WNT3A: variants seen among roughly 807,000 people sequenced by gnomAD.
WNT3A encodes the protein protein Wnt-3a.
WNT3A carries 17 observed loss-of-function variants against 37.0 expected under a neutral mutation model. The observed-to-expected ratio is 0.46, with a 90% CI of 0.31 to 0.69. WNT3A has a LOEUF of 0.69. WNT3A is among the 30% of genes least tolerant of loss of function. WNT3A has a pLI of 0.05. For synonymous variants in WNT3A, 187 were observed against 211.0 expected (o/e 0.89, Z 0.99); for missense variants, 411 against 510.2 (o/e 0.81, Z 1.87).
intron 2 of WNT3A, among the ~76,000 whole-genome samples, chr1:228,046,663 G>A (rs925726854): frequency 1.3e-5 from 2 of 150,910 alleles, no homozygotes; most frequent in Non-Finnish European, 3.0e-5. Flanking sequence ...CATGTGTGGG[G>A]GGGATGTGCA....
intron 1 of WNT3A, among the ~76,000 whole-genome samples, chr1:228,010,420 G>C (rs2030335331): frequency 6.6e-6 from 1 of 152,186 alleles, no homozygotes; most frequent in African/African-American, 2.4e-5. Flanking sequence ...GCCTTTACCA[G>C]ACTGGGCTGT....
At chr1:228,044,305 A>G (rs1253545306) in intron 2 of WNT3A, among the ~76,000 whole-genome samples, 3 of 152,168 alleles carry the variant, frequency 2.0e-5, no homozygotes, top group African/African-American at 4.8e-5. Context: ...AACTATGCCA[A>G]TTGTTCAAAA....
At position 228,059,146 on chromosome 1, in the gene WNT3A, G is replaced by T. The variant is rs904646118; in HGVS notation, c.740G>T (p.Arg247Leu). The change falls in exon 4 of 4, where the codon CGG (arginine) becomes CTG (leucine). Residue 247 changes from arginine to leucine, a missense_variant. Arg to Leu is a moderately radical substitution (Grantham distance 102). Coordinates refer to ENST00000284523, the MANE Select transcript of WNT3A (RefSeq NM_033131.4). ...SASEMVVEKH[R>L]ESRGWVETLR... Reference sequence around the variant, plus strand: ...TCGGAGATGGTGGTGGAGAAGCACCGGGAGTCCCGCGGCTGGGTGGAGACC... The same window carrying T: ...TCGGAGATGGTGGTGGAGAAGCACCTGGAGTCCCGCGGCTGGGTGGAGACC... The T allele has an allele frequency of 1.2e-6, 2 of 1,613,634 alleles. No homozygotes were observed. The highest frequency in any genetic ancestry group is 2.2e-5 in the East Asian group (1 of 44,872).
At chr1:228,015,583 C>T (rs1282001263) in intron 1 of WNT3A, among the ~76,000 whole-genome samples, 1 of 152,198 alleles carries the variant, frequency 6.6e-6, no homozygotes, top group Non-Finnish European at 1.5e-5. Context: ...GGACTGGGCC[C>T]AGCCTTCCTG....
rs1400774945 is a variant in WNT3A at position 228,037,032 on chromosome 1, C to A, written c.314-13624C>A. On this transcript the variant is annotated intron_variant, in intron 2 of 3. Transcript: ENST00000284523. This position sits in a 1 kb window ranked among gnomAD's most constrained non-coding sequence, Gnocchi z 4.1. ...GCCCAGGAGTCCCCCCGGGCCCTGG[C>A]ACCTGCCAGATAGGTCGGGGGGAGT... Among the ~76,000 whole-genome samples the A allele has an allele frequency of 6.6e-6, 1 of 152,116 alleles. No homozygotes were observed. Among genetic ancestry groups the A allele is most frequent in the Non-Finnish European group, 1.5e-5 (1 of 67,978 alleles).
Position 228,059,575 on chromosome 1 carries a change from G to A in WNT3A, c.*110G>A, listed in dbSNP as rs575678100. The A allele has an allele frequency of 1.4e-6, 2 of 1,396,386 alleles. No individual in the cohort carries two copies. Among genetic ancestry groups the A allele is most frequent in the South Asian group, 3.2e-5 (2 of 62,126 alleles). 86.5% of individuals were successfully genotyped at this position (1,396,386 alleles called of 1,614,324 possible). A position where few individuals can be genotyped will look rare whatever the true frequency, so the allele number is the denominator to read the frequency against. ...CGGGGCAGTACTCCTCCCTGGGGGC[G>A]GGACTCCTCCCTGGGGGTGGGGCTC... On this transcript the variant is annotated 3_prime_UTR_variant, in exon 4 of 4. Transcript: ENST00000284523.
intron 1 of WNT3A, among the ~76,000 whole-genome samples, chr1:228,014,751 T>C (rs2030477706): frequency 6.6e-6 from 1 of 152,258 alleles, no homozygotes. Context: ...CTTGTGGTCC[T>C]GGGCCAGCCT....
rs575460340 is a variant in WNT3A at position 228,031,406 on chromosome 1, C to T, written c.313+8498C>T. Among the ~76,000 whole-genome samples, 7 of 152,290 alleles carry T rather than the reference C, an allele frequency of 4.6e-5. No homozygotes were observed. Among genetic ancestry groups the T allele is most frequent in the South Asian group, 4.1e-4 (2 of 4,826 alleles). ...AGCTGCTGGCTGGGGTAATACACCA[C>T]GCAGCTCCCCTGGAGATAGCTGCCA... On this transcript the variant is annotated intron_variant, in intron 2 of 3. Transcript: ENST00000284523. This position sits in a 1 kb window ranked among gnomAD's most constrained non-coding sequence, Gnocchi z 4.8.
At chr1:228,033,106 T>C (rs1466977181) in intron 2 of WNT3A, among the ~76,000 whole-genome samples, 2 of 152,210 alleles carry the variant, frequency 1.3e-5, no homozygotes, top group Admixed American at 1.3e-4. Flanking sequence ...CTTGCAAATA[T>C]TTTCCCCCAT....
In WNT3A at chr1:228,059,284, G is replaced by C; in HGVS notation, c.878G>C (p.Arg293Pro). 6.3e-7 allele frequency: 1 copy of C among 1,592,378 alleles called. No individual in the cohort carries two copies. Among genetic ancestry groups the C allele is most frequent in the Non-Finnish European group, 8.5e-7 (1 of 1,173,452 alleles). ...PNPETGSFGT[R>P]DRTCNVSSHG... is the part of the protein sequence containing the mutation. ...CCTGAGACGGGCTCCTTCGGCACGC[G>C]CGACCGCACCTGCAACGTCAGCTCG... The change falls in exon 4 of 4, where the codon CGC (arginine) becomes CCC (proline). Residue 293 changes from arginine to proline, a missense_variant. By Grantham distance (103) the Arg-to-Pro change is moderately radical. Coordinates refer to ENST00000284523, the MANE Select transcript of WNT3A (RefSeq NM_033131.4).
At chr1:228,049,508 C>T (rs1198660819) in intron 2 of WNT3A, among the ~76,000 whole-genome samples, 1 of 152,318 alleles carries the variant, frequency 6.6e-6, no homozygotes, top group East Asian at 1.9e-4. Flanking sequence ...TTTGCACAGA[C>T]ACGGGTTTCC....
intron 2 of WNT3A, among the ~76,000 whole-genome samples, chr1:228,033,347 C>T (rs774195916): frequency 2.0e-5 from 3 of 152,036 alleles, no homozygotes; most frequent in Admixed American, 6.5e-5. Context: ...TTTTCATCGA[C>T]GATGTGAGGC....
chr1:228,011,230 G>C (rs1558283050), intron 1 of WNT3A, among the ~76,000 whole-genome samples: 1 of 121,186 alleles, frequency 8.3e-6, no homozygotes, highest in Non-Finnish European at 1.9e-5. Flanking sequence ...CTGCAGCATG[G>C]GTGTTTCGGG....
At chr1:228,051,434 G>A (rs969240127) in intron 3 of WNT3A, among the ~76,000 whole-genome samples, 6 of 152,194 alleles carry the variant, frequency 3.9e-5, no homozygotes, top group South Asian at 2.1e-4. Context: ...AAACCAAGCC[G>A]TGTAAAGCTT....
chr1:228,046,753 CTTGTGTGTGGTGGGGTGTGCATGTGTGT>C (rs2031422772), intron 2 of WNT3A, among the ~76,000 whole-genome samples: 1 of 138,426 alleles, frequency 7.2e-6, no homozygotes, highest in African/African-American at 2.7e-5. Flanking sequence ...TGCATGTGTG[CTTGTGTGTGGTGGGGTGTGCATGTGTGT>C]GCATGCGTGT....
In WNT3A at chr1:228,007,344, T is replaced by G; in HGVS notation, c.71+145T>G. The G allele has an allele frequency of 2.7e-6, 2 of 741,046 alleles. No individual in the cohort carries two copies. The highest frequency in any genetic ancestry group is 3.8e-5 in the African/African-American group (2 of 52,734). 45.9% of individuals were successfully genotyped at this position (741,046 alleles called of 1,614,324 possible). A position where few individuals can be genotyped will look rare whatever the true frequency, so the allele number is the denominator to read the frequency against. ...GCGGGCCGCGGGCGGTTGGTTTTCC[T>G]TGACGGCCACTTTGGACCTGTTCAG... On this transcript the variant is annotated intron_variant, in intron 1 of 3. Transcript: ENST00000284523. This position sits in a 1 kb window ranked among gnomAD's most constrained non-coding sequence, Gnocchi z 6.0.
At chr1:228,018,732 A>G (rs2030604294) in intron 1 of WNT3A, among the ~76,000 whole-genome samples, 1 of 152,170 alleles carries the variant, frequency 6.6e-6, no homozygotes, top group African/African-American at 2.4e-5. Context: ...CTGATCCTTC[A>G]AGGCCCAGCC....
At chr1:228,011,430 G>T (rs1185523049) in intron 1 of WNT3A, among the ~76,000 whole-genome samples, 2 of 152,020 alleles carry the variant, frequency 1.3e-5, no homozygotes, top group South Asian at 2.1e-4. Context: ...TTCTCCCTTC[G>T]CCCGCATCTG....
rs936048261 is a variant in WNT3A, at chr1:228,059,804, T to G, written c.*339T>G. 2.0e-5 allele frequency: 22 copies of G among 1,117,214 alleles called. No individual in the cohort carries two copies. In the Admixed American group the frequency reaches 4.3e-4, roughly 22 times the overall value. The allele number at this position is 1,117,214 out of a possible 1,614,324, so 69.2% of individuals were successfully genotyped here. A position where few individuals can be genotyped will look rare whatever the true frequency, so the allele number is the denominator to read the frequency against. On this transcript the variant is annotated 3_prime_UTR_variant, in exon 4 of 4. Coordinates refer to ENST00000284523, the MANE Select transcript of WNT3A (RefSeq NM_033131.4). ...GGGCTTCTCTTGGGTGGGACAGGGC[T>G]TCTCCTGCGGGGGCGAGGCCCCTCC...
Sources: gnomAD v4.1 joint callset for allele counts (sites outside exome capture counted in the v4.1 genomes callset) on GRCh38, gnomAD v4.1.1 for gene constraint, Gnocchi (gnomAD v3.1) non-coding constraint, MANE v1.5 for transcripts, NCBI Gene and HGNC (gene_info 2026-07-23, HGNC 2026-07-21) for gene names.